Variants in ZC3H4 observed in about 807,000 individuals in gnomAD.
ZC3H4 encodes zinc finger CCCH-type containing 4.
ZC3H4 carries 13 observed loss-of-function variants against 108.3 expected under a neutral mutation model. The ratio of observed to expected loss-of-function variants is 0.12; its 90% CI spans 0.08 to 0.19. The LOEUF (loss-of-function observed/expected upper bound fraction) is 0.19. Ranked by LOEUF, ZC3H4 falls within the 10% of genes least tolerant of loss-of-function variation. ZC3H4 has a pLI of 1.00. For synonymous variants in ZC3H4, 917 were observed against 749.6 expected (o/e 1.22, Z -3.65); for missense variants, 1,734 against 1,838.8 (o/e 0.94, Z 1.04).
At chr19:47,107,986 A>T (rs184749173) in intron 2 of ZC3H4, among the ~76,000 whole-genome samples, 2 of 152,244 alleles carry the variant, frequency 1.3e-5, no homozygotes, top group African/African-American at 4.8e-5. Context: ...TTGACATGCC[A>T]CCCAGACAAA....
chr19:47,104,892 C>A lies in ZC3H4; in HGVS notation c.161+7532G>T, dbSNP rs574759094. On this transcript the variant is annotated intron_variant, in intron 2 of 14. Transcript: ENST00000253048. ...CACTAGCGTCTGGGCCCAGCTCCCTCGGTTAGGCCATAGCAGGGATGTAAT... is the reference window on the plus strand; with the variant it reads ...CACTAGCGTCTGGGCCCAGCTCCCTAGGTTAGGCCATAGCAGGGATGTAAT... Among the ~76,000 whole-genome samples, 21 of 152,334 alleles carry A rather than the reference C, an allele frequency of 1.4e-4. No individual in the cohort carries two copies. In the South Asian group the frequency reaches 3.5e-3, roughly 26 times the overall value.
rs748398749 is a variant in ZC3H4 at position 47,066,935 on chromosome 19, C to T, written c.3333G>A (p.Gly1111=). Residue 1111 remains glycine (G), a synonymous_variant, in exon 15 of 15, where the codon GGG becomes GGA. Coordinates refer to ENST00000253048, the MANE Select transcript of ZC3H4 (RefSeq NM_015168.2). ...EAPSPTASPS[G]DASPPATAPY... is the part of the protein sequence containing the mutation. ...GAGCGGTGGCTGGTGGGGAGGCATC[C>T]CCACTCGGGCTGGCGGTGGGAGAGG... 73 of 1,595,272 alleles carry T rather than the reference C, an allele frequency of 4.6e-5. No individual in the cohort carries two copies. Among genetic ancestry groups the T allele is most frequent in the Non-Finnish European group, 5.8e-5 (68 of 1,173,490 alleles).
At position 47,073,619 on chromosome 19, in the gene ZC3H4, A is replaced by G. The variant is rs143374850; in HGVS notation, c.1441-906T>C. Reference sequence around the variant, plus strand: ...TGAACGATGCAGTGGCATTTGGCACATTAACAATGTTATGTAACCGCCACC... The same window carrying G: ...TGAACGATGCAGTGGCATTTGGCACGTTAACAATGTTATGTAACCGCCACC... On this transcript the variant is annotated intron_variant, in intron 11 of 14. Coordinates refer to ENST00000253048, the MANE Select transcript of ZC3H4 (RefSeq NM_015168.2). 4.6e-3 allele frequency among the ~76,000 whole-genome samples: 703 copies of G among 152,354 alleles called. 7 individuals carry two copies. Among genetic ancestry groups the G allele is most frequent in the African/African-American group, 0.016 (673 of 41,588 alleles).
intron 13 of ZC3H4, among the ~76,000 whole-genome samples, 174 bp from the exon 14 acceptor site, chr19:47,069,517 G>A (rs933662815): frequency 2.6e-5 from 4 of 152,198 alleles, no homozygotes; most frequent in East Asian, 1.9e-4. Context: ...GGGTAGCCCC[G>A]CCTACATGAA....
rs376074537 is a variant in ZC3H4 at position 47,067,418 on chromosome 19, C to T, written c.2850G>A (p.Arg950=). The change falls in exon 15 of 15, where the codon CGG becomes CGA. Residue 950 remains arginine, a synonymous_variant. Transcript: ENST00000253048. The surrounding 1 kb of genome is among the most constrained non-coding windows in gnomAD (Gnocchi z 6.4). ...PLDPLPGHPL[R]DPRSQLQQFS... ...ACTGCTGCAGCTGTGACCGTGGGTC[C>T]CGCAGAGGGTGCCCGGGGAGTGGGT... The T allele has an allele frequency of 1.6e-5, 25 of 1,606,870 alleles. No homozygotes were observed. Among genetic ancestry groups the T allele is most frequent in the Non-Finnish European group, 2.1e-5 (25 of 1,176,038 alleles).
At chr19:47,082,488 T>C (rs1183666645) in intron 9 of ZC3H4, among the ~76,000 whole-genome samples, 193 bp from the exon 10 acceptor site, 1 of 152,138 alleles carries the variant, frequency 6.6e-6, no homozygotes, top group Non-Finnish European at 1.5e-5. Context: ...TTTTTAAATA[T>C]TTTTTTGTAG....
rs748827850 is a variant in ZC3H4, at chr19:47,066,583, G to A, written c.3685C>T (p.Pro1229Ser). ...GGTGGGGTGGCGGTGGTGGCAGCGG[G>A]GGCTGCAGCAGCCTTGGGCCGGGGC... ...NRPRPKAAAA[P>S]AATTATPPPE... Residue 1229 changes from proline to serine, a missense_variant, in exon 15 of 15, where the codon CCC becomes TCC. Pro to Ser is a moderately conservative substitution (Grantham distance 74). This residue lies in a region of ZC3H4 where 518 missense variants were observed against 499.6 expected (regional missense o/e 1.04). Coordinates refer to ENST00000253048, the MANE Select transcript of ZC3H4 (RefSeq NM_015168.2). The A allele has an allele frequency of 1.2e-5, 19 of 1,594,860 alleles. No homozygotes were observed. The Admixed American group carries it at 1.4e-4, about 11-fold the overall frequency.
At position 47,085,129 on chromosome 19, in the gene ZC3H4, C is replaced by T. The variant is rs746296555; in HGVS notation, c.1034G>A (p.Arg345Gln). The T allele has an allele frequency of 4.3e-6, 7 of 1,614,222 alleles. No homozygotes were observed. Among genetic ancestry groups the T allele is most frequent in the South Asian group, 2.2e-5 (2 of 91,088 alleles). ...RGKGMGRGRGRGGSRGGMNKG... is the reference protein window; with the variant it reads ...RGKGMGRGRGQGGSRGGMNKG... ...GTTCATCCCTCCTCGGCTGCCACCT[C>T]GGCCTCGGCCCCGACCCATTCCTTT... Residue 345 changes from arginine (R) to glutamine (Q), a missense_variant, in exon 8 of 15, where the codon CGA becomes CAA. By Grantham distance (43) the Arg-to-Gln change is conservative (BLOSUM62 1). Coordinates refer to ENST00000253048, the MANE Select transcript of ZC3H4 (RefSeq NM_015168.2).
intron 13 of ZC3H4, 62 bp downstream of exon 13, chr19:47,071,716 C>T (rs147861032): frequency 1.3e-6 from 2 of 1,505,668 alleles, no homozygotes; most frequent in African/African-American, 1.4e-5. Flanking sequence ...CACATCTCCC[C>T]AACTCTGCTC....
intron 7 of ZC3H4, 42 bp from the exon 8 acceptor site, chr19:47,085,237 T>TCCCCC: frequency 8.6e-6 from 7 of 813,014 alleles, no homozygotes; most frequent in Admixed American, 2.5e-5. Context: ...GACCACCCCC[T>TCCCCC]CCCCCACCCC....
Position 47,081,537 on chromosome 19 carries a change from T to C in ZC3H4, c.1416A>G (p.Glu472=), listed in dbSNP as rs1354340413. The C allele has an allele frequency of 1.2e-6, 2 of 1,614,224 alleles. No individual in the cohort carries two copies. The highest frequency in any genetic ancestry group is 1.7e-6 in the Non-Finnish European group (2 of 1,180,026). ...CCTTATCCAAGAGCTCCCTCGTCTC[T>C]TCGGTCAGAGGGTCGTGGGAAAACA... is the stretch of plus-strand genomic sequence containing the variant. ...DCMFSHDPLT[E]ETRELLDKML... The change falls in exon 11 of 15, where the codon GAA becomes GAG. Residue 472 remains glutamate, a synonymous_variant. Coordinates refer to ENST00000253048, the MANE Select transcript of ZC3H4 (RefSeq NM_015168.2).
At chr19:47,092,204 C>T (rs1029453168) in intron 4 of ZC3H4, among the ~76,000 whole-genome samples, 1 of 152,004 alleles carries the variant, frequency 6.6e-6, no homozygotes, top group Non-Finnish European at 1.5e-5. Context: ...GATCCCATCT[C>T]AATAAACAAA....
rs2057176650 is a variant in ZC3H4 at position 47,065,119 on chromosome 19, C to G, written c.*1237G>C. On this transcript the variant is annotated 3_prime_UTR_variant, in exon 15 of 15. Transcript: ENST00000253048. ...GGCTGTGTCCATAGGTGGGCCTCCTCCAGGGCTCTGCAGATGAGGCTGGCC... is the reference window on the plus strand; with the variant it reads ...GGCTGTGTCCATAGGTGGGCCTCCTGCAGGGCTCTGCAGATGAGGCTGGCC... The G allele has an allele frequency of 6.6e-6, 1 of 152,320 alleles. No homozygotes were observed. The highest frequency in any genetic ancestry group is 2.1e-4 in the South Asian group (1 of 4,826). 9.4% of individuals were successfully genotyped at this position (152,320 alleles called of 1,614,324 possible). A position where few individuals can be genotyped will look rare whatever the true frequency, so the allele number is the denominator to read the frequency against.
At chr19:47,075,599 C>T (rs964952453) in intron 11 of ZC3H4, among the ~76,000 whole-genome samples, 5 of 152,000 alleles carry the variant, frequency 3.3e-5, no homozygotes, top group African/African-American at 9.7e-5. Flanking sequence ...CTGATCCCCA[C>T]GTGTGTGTGC....
At chr19:47,109,029 T>C (rs905448403) in intron 2 of ZC3H4, among the ~76,000 whole-genome samples, 1 of 152,150 alleles carries the variant, frequency 6.6e-6, no homozygotes, top group Non-Finnish European at 1.5e-5. Context: ...AAAATAAAAA[T>C]GTAAAAGTTT....
rs2057175431 is a variant in ZC3H4 at position 47,065,027 on chromosome 19, A to AG, written c.*1328dup. 6.6e-6 allele frequency: 1 copy of AG among 152,310 alleles called. No individual in the cohort carries two copies. Among genetic ancestry groups the AG allele is most frequent in the Non-Finnish European group, 1.5e-5 (1 of 68,170 alleles). 9.4% of individuals were successfully genotyped at this position (152,310 alleles called of 1,614,324 possible). On this transcript the variant is annotated 3_prime_UTR_variant, in exon 15 of 15. Coordinates refer to ENST00000253048, the MANE Select transcript of ZC3H4 (RefSeq NM_015168.2). ...TGCAGCCACAAGCACACACTTCCTG[A>AG]GGCCCCTCAAGTGGCCCAGAGGCAG... is the stretch of plus-strand genomic sequence containing the variant.
In ZC3H4 at chr19:47,090,013, C is replaced by G. The variant is rs1262841542; in HGVS notation, c.669G>C (p.Glu223Asp). 1 of 1,614,216 alleles carries G rather than the reference C, an allele frequency of 6.2e-7. No individual in the cohort carries two copies. The highest frequency in any genetic ancestry group is 1.7e-5 in the Admixed American group (1 of 60,032). ...GKEDYDDFTKELNQYRRAKEG... is the reference protein window; with the variant it reads ...GKEDYDDFTKDLNQYRRAKEG... ...CCTTGGCACGCCGGTACTGGTTCAG[C>G]TCTTTGGTGAAGTCGTCATAGTCCT... The change falls in exon 5 of 15, where the codon GAG becomes GAC. Residue 223 changes from glutamate (E) to aspartate (D), a missense_variant. By Grantham distance (45) the Glu-to-Asp change is conservative. Coordinates refer to ENST00000253048, the MANE Select transcript of ZC3H4 (RefSeq NM_015168.2).
At chr19:47,099,109 C>A (rs1210257293) in intron 2 of ZC3H4, among the ~76,000 whole-genome samples, 1 of 152,200 alleles carries the variant, frequency 6.6e-6, no homozygotes, top group Non-Finnish European at 1.5e-5. Flanking sequence ...GGGCATCTCT[C>A]CACGGAAAGC....
intron 2 of ZC3H4, among the ~76,000 whole-genome samples, chr19:47,102,366 G>A (rs375092264): frequency 2.8e-4 from 42 of 152,278 alleles, no homozygotes; most frequent in African/African-American, 7.5e-4. Flanking sequence ...ACAAAACAAC[G>A]CCCACCCTGA....
Sources: gnomAD v4.1 joint callset for allele counts (sites outside exome capture counted in the v4.1 genomes callset) on GRCh38, gnomAD v4.1.1 for gene constraint, gnomAD v4.1.1 regional missense constraint, Gnocchi (gnomAD v3.1) non-coding constraint, MANE v1.5 for transcripts, NCBI Gene and HGNC (gene_info 2026-07-23, HGNC 2026-07-21) for gene names.